Variants in ZNF485 observed in about 807,000 individuals in gnomAD.
ZNF485 encodes zinc finger protein 485.
In ZNF485, 9 loss-of-function variants were observed where a neutral mutation model predicts 10.8. The ratio of observed to expected loss-of-function variants is 0.83; its 90% CI spans 0.50 to 1.45. The LOEUF (loss-of-function observed/expected upper bound fraction) is 1.45, where lower values mean the gene tolerates loss of function less well. Ranked by LOEUF, ZNF485 falls within the 40% of genes most tolerant of loss-of-function variation. ZNF485 has a pLI of 0.00. For missense variants in ZNF485, 487 were observed against 528.0 expected (o/e 0.92, Z 0.76); for synonymous variants, 187 against 181.0 (o/e 1.03, Z -0.27).
chr10:43,607,529 C>T (rs2132345272), intron 2 of ZNF485: 1 of 161,674 alleles, frequency 6.2e-6, no homozygotes, highest in Admixed American at 6.3e-5. Flanking sequence ...CATGAACAAA[C>T]TGGTCTGAGA....
At chr10:43,615,455 G>A (rs1239752009) in intron 4 of ZNF485, among the ~76,000 whole-genome samples, 4 of 152,080 alleles carry the variant, frequency 2.6e-5, no homozygotes, top group African/African-American at 9.7e-5. Context: ...AGGCTGGAGT[G>A]CAGTGGCATG....
In ZNF485 at chr10:43,608,664, G is replaced by A. The variant is rs1838704452; in HGVS notation, c.75G>A (p.Trp25Ter). ...DVAVAFTRIE[W>*]RHLDAAQRAL... ...CTGTGGCCTTTACCCGGATTGAGTG[G>A]AGACACCTGGATGCTGCTCAGCGGG... The change falls in exon 3 of 5, where the codon TGG (tryptophan) becomes TGA (stop). Residue 25 changes from tryptophan (W) to a stop codon, truncating the protein, a stop_gained. Coordinates refer to ENST00000361807, the MANE Select transcript of ZNF485 (RefSeq NM_145312.4). LOFTEE classifies it high-confidence loss of function. The A allele has an allele frequency of 6.2e-7, 1 of 1,614,122 alleles. No individual in the cohort carries two copies. Among genetic ancestry groups the A allele is most frequent in the Non-Finnish European group, 8.5e-7 (1 of 1,179,990 alleles).
chr10:43,608,375 G>C (rs1838695571), intron 2 of ZNF485, among the ~76,000 whole-genome samples: 1 of 152,176 alleles, frequency 6.6e-6, no homozygotes, highest in African/African-American at 2.4e-5. Context: ...TTTTTGATGA[G>C]GTGACATGAA....
At position 43,616,529 on chromosome 10, in the gene ZNF485, A is replaced by T; in HGVS notation, c.486A>T (p.Glu162Asp). The change falls in exon 5 of 5, where the codon GAA becomes GAT. Residue 162 changes from glutamate (E) to aspartate (D), a missense_variant. Physicochemically the swap from Glu to Asp is conservative, Grantham distance 45. Coordinates refer to ENST00000361807, the MANE Select transcript of ZNF485 (RefSeq NM_145312.4). The stretch of plus-strand genomic sequence containing the variant: ...GTGAGAAACCACATAAATGTAAAGA[A>T]TGTGGGATCGCCTTTATGAACAGTT... ...HTSEKPHKCK[E>D]CGIAFMNSSS... 1 of 1,614,198 alleles carries T rather than the reference A, an allele frequency of 6.2e-7. No homozygotes were observed. The highest frequency in any genetic ancestry group is 1.1e-5 in the South Asian group (1 of 91,086).
rs144229016 is a variant in ZNF485, at chr10:43,614,628, G to A, written c.248-1663G>A. 7.5e-4 allele frequency among the ~76,000 whole-genome samples: 114 copies of A among 151,868 alleles called. 3 individuals are homozygous for A. The East Asian group carries it at 0.019, about 26-fold the overall frequency. On this transcript the variant is annotated intron_variant, in intron 4 of 4. Coordinates refer to ENST00000361807, the MANE Select transcript of ZNF485 (RefSeq NM_145312.4). ...CATTTGATCAATCCCTTTCTTTTTT[G>A]TCAGTGCTTTTTTGTGTCATGCTTT...
chr10:43,613,375 A>T (rs752165068), intron 4 of ZNF485, among the ~76,000 whole-genome samples: 13 of 138,134 alleles, frequency 9.4e-5, no homozygotes, highest in Non-Finnish European at 1.5e-4. Flanking sequence ...TATGCATAAC[A>T]TGTTTTCAAA....
intron 4 of ZNF485, among the ~76,000 whole-genome samples, chr10:43,613,995 C>A (rs1325555998): frequency 6.6e-6 from 1 of 152,162 alleles, no homozygotes; most frequent in Non-Finnish European, 1.5e-5. Flanking sequence ...GGGCGGATCA[C>A]CTGAGGTCAG....
chr10:43,615,014 A>G (rs1209567915), intron 4 of ZNF485, among the ~76,000 whole-genome samples: 5 of 152,220 alleles, frequency 3.3e-5, no homozygotes, highest in Admixed American at 2.0e-4. Flanking sequence ...ATCATAATAC[A>G]TTAAACACAT....
chr10:43,615,495 G>A (rs564712455), intron 4 of ZNF485, among the ~76,000 whole-genome samples: 62 of 152,142 alleles, frequency 4.1e-4, no homozygotes, highest in Non-Finnish European at 6.3e-4. Flanking sequence ...TCTGCCTCCC[G>A]GGTTCAAGCG....
Position 43,607,198 on chromosome 10 carries a change from G to A in ZNF485, c.24+124G>A, listed in dbSNP as rs1838668302. 6.0e-6 allele frequency: 7 copies of A among 1,160,376 alleles called. No homozygotes were observed. In the African/African-American group the frequency reaches 6.1e-5, roughly 10 times the overall value. 71.9% of individuals were successfully genotyped at this position (1,160,376 alleles called of 1,614,324 possible). A position where few individuals can be genotyped will look rare whatever the true frequency, so the allele number is the denominator to read the frequency against. Reference sequence around the variant, plus strand: ...AGCTACCCGAACCAATCCTGGATGGGTCCCGCGATTTCCGTCCTGTCTACC... The same window carrying A: ...AGCTACCCGAACCAATCCTGGATGGATCCCGCGATTTCCGTCCTGTCTACC... On this transcript the variant is annotated intron_variant, in intron 2 of 4. Transcript: ENST00000361807.
intron 4 of ZNF485, among the ~76,000 whole-genome samples, chr10:43,612,859 C>T (rs1302813849): frequency 6.6e-6 from 1 of 151,606 alleles, no homozygotes; most frequent in Non-Finnish European, 1.5e-5. Flanking sequence ...TTTTGCTTTC[C>T]TTGGGTTTAT....
chr10:43,617,362 GTAGT>G lies in ZNF485; in HGVS notation c.1324_*1del. ...CATAATAAAGAAAGAGCCATGAAAT[GTAGT>G]TAGTGTGGCAAATTGTGCAGAGTAG... On this transcript the variant is annotated frameshift_variant, in exon 5 of 5. Coordinates refer to ENST00000361807, the MANE Select transcript of ZNF485 (RefSeq NM_145312.4). LOFTEE classifies it high-confidence loss of function. 1 of 1,544,266 alleles carries G rather than the reference GTAGT, an allele frequency of 6.5e-7. No individual in the cohort carries two copies. Among genetic ancestry groups the G allele is most frequent in the Non-Finnish European group, 8.7e-7 (1 of 1,150,880 alleles).
chr10:43,607,373 G>GCTTCTGCTACCTTC, intron 2 of ZNF485: 1 of 518,288 alleles, frequency 1.9e-6, no homozygotes, highest in Non-Finnish European at 3.5e-6. Context: ...GGTGATAGCA[G>GCTTCTGCTACCTTC]TGCTCTCTTG....
At chr10:43,607,307 C>A in intron 2 of ZNF485, 1 of 602,050 alleles carries the variant, frequency 1.7e-6, no homozygotes, top group Non-Finnish European at 3.0e-6. Context: ...TGCAAACTGG[C>A]AGACGATGAA....
chr10:43,611,532 A>G (rs989125934), intron 4 of ZNF485, among the ~76,000 whole-genome samples: 11 of 152,302 alleles, frequency 7.2e-5, no homozygotes, highest in Admixed American at 2.6e-4. Flanking sequence ...ATAAATTCCT[A>G]TAAGAATTGT....
At chr10:43,607,419 A>G in intron 2 of ZNF485, 1 of 354,812 alleles carries the variant, frequency 2.8e-6, no homozygotes, top group Non-Finnish European at 5.2e-6. Context: ...GGGGTGGAGT[A>G]GTGGGCGCCT....
Position 43,617,608 on chromosome 10 carries a change from A to G in ZNF485, c.*239A>G, listed in dbSNP as rs1838890905. 1 of 374,448 alleles carries G rather than the reference A, an allele frequency of 2.7e-6. No individual in the cohort carries two copies. The highest frequency in any genetic ancestry group is 4.8e-6 in the Non-Finnish European group (1 of 208,632). The allele number at this position is 374,448 out of a possible 1,614,324, so 23.2% of individuals were successfully genotyped here. ...AATGAGGTGGAGCTGTAAATACTGT[A>G]CAAAGCCAGGCATGGTGGCATATGC... On this transcript the variant is annotated 3_prime_UTR_variant, in exon 5 of 5. Transcript: ENST00000361807.
intron 4 of ZNF485, among the ~76,000 whole-genome samples, chr10:43,609,612 TTCTC>T (rs1226408011): frequency 6.6e-6 from 1 of 152,184 alleles, no homozygotes; most frequent in Admixed American, 6.5e-5. Flanking sequence ...TATGTGATTT[TTCTC>T]TCTCTCTTTC....
In ZNF485 at chr10:43,616,738, A is replaced by G. The variant is rs1442242361; in HGVS notation, c.695A>G (p.His232Arg). The G allele has an allele frequency of 2.5e-6, 4 of 1,614,048 alleles. No homozygotes were observed. Among genetic ancestry groups the G allele is most frequent in the Non-Finnish European group, 3.4e-6 (4 of 1,180,056 alleles). Residue 232 changes from histidine to arginine, a missense_variant, in exon 5 of 5, where the codon CAT becomes CGT. By Grantham distance (29) the His-to-Arg change is conservative. Coordinates refer to ENST00000361807, the MANE Select transcript of ZNF485 (RefSeq NM_145312.4). ...TFRKNSILLS[H>R]QRIHTGQKPY... is the part of the protein sequence containing the mutation. ...AGAAAGAACTCAATCCTTTTAAGTC[A>G]TCAGAGAATTCATACTGGCCAGAAA...
Sources: allele counts gnomAD v4.1 joint callset (sites outside exome capture counted in the v4.1 genomes callset), GRCh38; gene constraint gnomAD v4.1.1; transcripts MANE v1.5; gene names NCBI Gene and HGNC (gene_info 2026-07-23, HGNC 2026-07-21).